Variants in SLIT3 observed in about 807,000 individuals in gnomAD.
The protein encoded by SLIT3 is slit homolog 3 protein.
A neutral mutation model predicts 184.0 loss-of-function variants in SLIT3; 68 were observed. The observed-to-expected ratio is 0.37, with a 90% CI of 0.30 to 0.45. SLIT3 has a LOEUF of 0.45. SLIT3 is among the 20% of genes least tolerant of loss of function. The probability of loss-of-function intolerance (pLI) is 1.00; values close to 1 mark genes in which losing one functional copy is unlikely to be tolerated. For synonymous variants in SLIT3, 831 were observed against 828.6 expected (o/e 1.00, Z -0.05); for missense variants, 1,707 against 2,026.0 (o/e 0.84, Z 3.02).
At chr5:169,074,202 C>T (rs1485808354) in intron 4 of SLIT3, among the ~76,000 whole-genome samples, 1 of 152,110 alleles carries the variant, frequency 6.6e-6, no homozygotes, top group African/African-American at 2.4e-5. Context: ...AACAGTGTTA[C>T]CCTCACAGGG....
chr5:169,281,200 G>A (rs759329730), intron 1 of SLIT3, among the ~76,000 whole-genome samples: 6 of 152,182 alleles, frequency 3.9e-5, no homozygotes, highest in Non-Finnish European at 8.8e-5. Context: ...TAAAATGGTA[G>A]GGGGAGGCTG....
At chr5:168,954,835 A>G (rs530810717) in intron 4 of SLIT3, among the ~76,000 whole-genome samples, 36 of 152,366 alleles carry the variant, frequency 2.4e-4, no homozygotes, top group Admixed American at 1.8e-3. Flanking sequence ...CCTTGAGAGA[A>G]TGCAGGTCAC....
At chr5:169,177,193 T>A (rs901169559) in intron 4 of SLIT3, among the ~76,000 whole-genome samples, 1 of 152,152 alleles carries the variant, frequency 6.6e-6, no homozygotes, top group Admixed American at 6.5e-5. Context: ...GAGCTATTAG[T>A]CTATCACTGC....
chr5:169,094,460 C>T (rs1020042701), intron 4 of SLIT3, among the ~76,000 whole-genome samples: 3 of 152,200 alleles, frequency 2.0e-5, no homozygotes, highest in Non-Finnish European at 4.4e-5. Context: ...GAAACCCCGT[C>T]TCTACTAAAA....
intron 32 of SLIT3, among the ~76,000 whole-genome samples, chr5:168,675,332 C>T (rs1013856311): frequency 2.0e-5 from 3 of 152,166 alleles, no homozygotes; most frequent in Non-Finnish European, 4.4e-5. Flanking sequence ...CAGTGACTAA[C>T]TCAGATTTAG....
chr5:169,058,886 T>C (rs1322024892), intron 4 of SLIT3, among the ~76,000 whole-genome samples: 2 of 152,180 alleles, frequency 1.3e-5, no homozygotes, highest in Non-Finnish European at 2.9e-5. Context: ...CCTGTTGCTC[T>C]AGAGAGTATC....
intron 6 of SLIT3, among the ~76,000 whole-genome samples, chr5:168,828,159 G>A (rs1410888684): frequency 2.6e-5 from 4 of 152,204 alleles, no homozygotes; most frequent in African/African-American, 7.2e-5. Flanking sequence ...GCAAGTAGTA[G>A]CATTGGGATT....
chr5:168,857,378 G>C (rs1758923414), intron 5 of SLIT3, among the ~76,000 whole-genome samples: 1 of 105,456 alleles, frequency 9.5e-6, no homozygotes, highest in South Asian at 3.0e-4. Flanking sequence ...TTTTGTTTTT[G>C]TTTTGTTTTG....
intron 3 of SLIT3, among the ~76,000 whole-genome samples, chr5:169,234,211 C>T (rs573151149): frequency 5.9e-5 from 9 of 152,290 alleles, no homozygotes; most frequent in Non-Finnish European, 4.4e-5. Context: ...CTACATCCTC[C>T]TTAGAGTGCT....
intron 4 of SLIT3, among the ~76,000 whole-genome samples, chr5:169,137,422 C>A (rs2113333304): frequency 6.6e-6 from 1 of 151,804 alleles, no homozygotes; most frequent in South Asian, 2.1e-4. Flanking sequence ...CCTGAGGAGG[C>A]CTCAGGGGGC....
At chr5:168,919,027 G>A (rs1368099389) in intron 4 of SLIT3, among the ~76,000 whole-genome samples, 1 of 152,086 alleles carries the variant, frequency 6.6e-6, no homozygotes, top group Non-Finnish European at 1.5e-5. Context: ...TTGGGAGGCT[G>A]AGGCGGGTGG....
chr5:168,664,519 TC>T lies in SLIT3; in HGVS notation c.*1934del, dbSNP rs1296043227. ...CCCCTCCATCCCTTCCTTCTTTCCT[TC>T]CTTCCTTCTTCCAGTTGCCTCGTTT... On this transcript the variant is annotated 3_prime_UTR_variant, in exon 36 of 36. Coordinates refer to ENST00000519560, the MANE Select transcript of SLIT3 (RefSeq NM_003062.4). 1 of 17,332 alleles carries T rather than the reference TC, an allele frequency of 5.8e-5. No individual in the cohort carries two copies. Among genetic ancestry groups the T allele is most frequent in the African/African-American group, 6.3e-4 (1 of 1,584 alleles). The allele number at this position is 17,332 out of a possible 1,614,324, so 1.1% of individuals were successfully genotyped here. A position where few individuals can be genotyped will look rare whatever the true frequency, so the allele number is the denominator to read the frequency against.
chr5:168,924,806 C>T (rs1581216064), intron 4 of SLIT3, among the ~76,000 whole-genome samples: 3 of 152,178 alleles, frequency 2.0e-5, no homozygotes, highest in Admixed American at 6.5e-5. Context: ...AGCCACCGCA[C>T]CCAGCTGCAT....
chr5:168,762,289 A>T (rs1348371649), intron 15 of SLIT3, among the ~76,000 whole-genome samples: 2 of 152,180 alleles, frequency 1.3e-5, no homozygotes, highest in Non-Finnish European at 1.5e-5. Flanking sequence ...TGGGCCTAGC[A>T]TGATGCCGGC....
chr5:168,871,103 G>A (rs1369754576), intron 5 of SLIT3, among the ~76,000 whole-genome samples: 2 of 152,178 alleles, frequency 1.3e-5, no homozygotes, highest in African/African-American at 2.4e-5. Context: ...CCTTCTGGAC[G>A]CCCCAGGGTA....
chr5:168,811,343 T>C (rs34736023), intron 8 of SLIT3, among the ~76,000 whole-genome samples: 20,275 of 152,222 alleles, frequency 0.13, 1,772 homozygotes, highest in South Asian at 0.31. Context: ...CCATTCTTTT[T>C]TTCCCCCTTA....
intron 14 of SLIT3, among the ~76,000 whole-genome samples, chr5:168,771,676 T>G (rs1453462564): frequency 6.6e-6 from 1 of 152,160 alleles, no homozygotes; most frequent in African/African-American, 2.4e-5. Flanking sequence ...CTGTATTATC[T>G]CCAAGCCCTC....
intron 3 of SLIT3, among the ~76,000 whole-genome samples, chr5:169,225,155 G>C (rs1764761453): frequency 6.6e-6 from 1 of 152,192 alleles, no homozygotes; most frequent in Non-Finnish European, 1.5e-5. Context: ...GACAAGTCTT[G>C]TATGACAACC....
intron 5 of SLIT3, among the ~76,000 whole-genome samples, chr5:168,873,810 A>G (rs1449081155): frequency 6.6e-6 from 1 of 152,202 alleles, no homozygotes. Flanking sequence ...AAGCTGAAAA[A>G]AAAAACCAAA....
Sources: allele counts gnomAD v4.1 joint callset (sites outside exome capture counted in the v4.1 genomes callset), GRCh38; gene constraint gnomAD v4.1.1; transcripts MANE v1.5; gene names NCBI Gene and HGNC (gene_info 2026-07-23, HGNC 2026-07-21).